The following SV2C variants were observed in gnomAD, a reference collection of about 807,000 sequenced individuals.
SV2C encodes solute carrier family 22 member B3.
In SV2C, 49 loss-of-function variants were observed where a neutral mutation model predicts 79.7. That is an observed-to-expected ratio of 0.61 (90% CI 0.49 to 0.78). The LOEUF (loss-of-function observed/expected upper bound fraction) is 0.78, where lower values mean the gene tolerates loss of function less well. Ranked by LOEUF, SV2C falls within the 30% of genes least tolerant of loss-of-function variation. The pLI, the probability that SV2C is intolerant of heterozygous loss-of-function variation, is 0.00. For synonymous variants in SV2C, 334 were observed against 333.2 expected (o/e 1.00, Z -0.03); for missense variants, 833 against 912.9 (o/e 0.91, Z 1.13).
At chr5:75,897,910 A>G in the SV2C span, among the ~76,000 whole-genome samples, 1 of 151,912 alleles carries the variant, frequency 6.6e-6, no homozygotes, top group East Asian at 1.9e-4. Flanking sequence ...ATTTTTGTAC[A>G]TTGATTTTGT....
intron 2 of SV2C, among the ~76,000 whole-genome samples, chr5:76,174,752 A>G (rs1561249806): frequency 6.6e-6 from 1 of 152,268 alleles, no homozygotes; most frequent in African/African-American, 2.4e-5. Context: ...AAACCTGCAC[A>G]TTCTTTGTTA....
intron 4 of SV2C, among the ~76,000 whole-genome samples, chr5:76,258,622 A>C (rs1746369770): frequency 6.6e-6 from 1 of 152,194 alleles, no homozygotes; most frequent in Non-Finnish European, 1.5e-5. Context: ...GAGCTTTGGT[A>C]TTTTGTGGAA....
chr5:76,052,330 G>A, the SV2C span, among the ~76,000 whole-genome samples: 44 of 152,140 alleles, frequency 2.9e-4, no homozygotes, highest in Non-Finnish European at 5.9e-4. Flanking sequence ...GAGATTGCAG[G>A]CATAAGGTAA....
At chr5:76,018,583 T>G in the SV2C span, among the ~76,000 whole-genome samples, 25 of 152,182 alleles carry the variant, frequency 1.6e-4, no homozygotes, top group Non-Finnish European at 2.8e-4. Flanking sequence ...TTACAACATA[T>G]AAATTATAGA....
At chr5:76,041,110 C>A in the SV2C span, among the ~76,000 whole-genome samples, 1 of 152,144 alleles carries the variant, frequency 6.6e-6, no homozygotes, top group Non-Finnish European at 1.5e-5. Context: ...GATTCACTGG[C>A]CCATTCTTGT....
the SV2C span, among the ~76,000 whole-genome samples, chr5:76,043,988 G>T: frequency 6.6e-6 from 1 of 152,002 alleles, no homozygotes; most frequent in Non-Finnish European, 1.5e-5. Context: ...ATGTTTGTTT[G>T]CTGCACCTAT....
At chr5:76,153,788 G>GA (rs1742638455) in intron 2 of SV2C, among the ~76,000 whole-genome samples, 1 of 152,174 alleles carries the variant, frequency 6.6e-6, no homozygotes, top group African/African-American at 2.4e-5. Context: ...GGTTGTGCAG[G>GA]AAAGAAAGAA....
chr5:75,946,816 T>C, the SV2C span, among the ~76,000 whole-genome samples: 1 of 152,140 alleles, frequency 6.6e-6, no homozygotes, highest in Non-Finnish European at 1.5e-5. Context: ...TCAAAAGTAC[T>C]GTTCTATCAT....
Position 76,241,205 on chromosome 5 carries a change from G to A in SV2C, c.913+31318G>A, listed in dbSNP as rs565462682. Among the ~76,000 whole-genome samples the A allele has an allele frequency of 7.6e-4, 100 of 131,080 alleles. 1 individual carries two copies. The highest frequency in any genetic ancestry group is 2.8e-3 in the African/African-American group (93 of 32,890). The allele number at this position is 131,080 out of a possible 152,430, so 86.0% of individuals were successfully genotyped here. A position where few individuals can be genotyped will look rare whatever the true frequency, so the allele number is the denominator to read the frequency against. ...CTCTTTTTTTTTTTTTTTTTCCCAA[G>A]CCAAACTGTATCCAGCTTTATTAAA... On this transcript the variant is annotated intron_variant, in intron 4 of 12. Coordinates refer to ENST00000502798, the MANE Select transcript of SV2C (RefSeq NM_014979.4).
chr5:75,939,156 T>G, the SV2C span, among the ~76,000 whole-genome samples: 1 of 152,076 alleles, frequency 6.6e-6, no homozygotes, highest in East Asian at 1.9e-4. Flanking sequence ...AGCCTCCTGG[T>G]TTTTCAGCTT....
the SV2C span, among the ~76,000 whole-genome samples, chr5:76,039,194 G>C: frequency 2.6e-4 from 39 of 152,114 alleles, no homozygotes; most frequent in Admixed American, 6.6e-4. Context: ...TTTATTTCCT[G>C]ATCAGCCTTC....
At chr5:76,087,331 A>G (rs1747232172) in intron 1 of SV2C, among the ~76,000 whole-genome samples, 1 of 152,238 alleles carries the variant, frequency 6.6e-6, no homozygotes, top group Non-Finnish European at 1.5e-5. Flanking sequence ...TTTCCCATAG[A>G]TAGTATATAA....
chr5:75,879,181 G>A, the SV2C span, among the ~76,000 whole-genome samples: 1 of 152,160 alleles, frequency 6.6e-6, no homozygotes, highest in Non-Finnish European at 1.5e-5. Flanking sequence ...GAGATTTGGA[G>A]TGGACAAATA....
At chr5:75,969,934 C>A in the SV2C span, among the ~76,000 whole-genome samples, 5 of 152,064 alleles carry the variant, frequency 3.3e-5, no homozygotes, top group Non-Finnish European at 7.3e-5. Flanking sequence ...TAAAGCACTC[C>A]TCAGCAAACG....
chr5:76,330,893 A>G lies in SV2C; in HGVS notation c.*5346A>G, dbSNP rs1315502046. The G allele has an allele frequency of 1.4e-5, 2 of 144,460 alleles. No homozygotes were observed. The highest frequency in any genetic ancestry group is 2.6e-5 in the African/African-American group (1 of 38,272). The allele number at this position is 144,460 out of a possible 1,614,324, so 8.9% of individuals were successfully genotyped here. ...GGGGCGGGGGACGGAGTCTCGCTCT[A>G]TTACTTAGGCCGGAGTGCAGTGGTG... On this transcript the variant is annotated 3_prime_UTR_variant, in exon 13 of 13. Transcript: ENST00000502798.
chr5:76,340,496 G>A (rs946963312), intron 12 of SV2C, among the ~76,000 whole-genome samples: 5 of 152,172 alleles, frequency 3.3e-5, no homozygotes, highest in Non-Finnish European at 7.3e-5. Context: ...TGGGCACAGT[G>A]GGCAGCAGGA....
intron 2 of SV2C, among the ~76,000 whole-genome samples, chr5:76,169,531 G>A (rs1743149840): frequency 6.6e-6 from 1 of 152,204 alleles, no homozygotes; most frequent in African/African-American, 2.4e-5. Flanking sequence ...GATCAAAGAA[G>A]ATAGCATAAA....
chr5:76,174,796 G>T (rs1161529396), intron 2 of SV2C, among the ~76,000 whole-genome samples: 1 of 152,238 alleles, frequency 6.6e-6, no homozygotes, highest in Non-Finnish European at 1.5e-5. Flanking sequence ...TGTGGACATG[G>T]TCTCCTATCC....
chr5:75,858,174 T>C, the SV2C span, among the ~76,000 whole-genome samples: 2 of 152,324 alleles, frequency 1.3e-5, no homozygotes, highest in East Asian at 3.9e-4. Context: ...GGCATCCTTG[T>C]CTTATTCCAG....
Sources: allele counts gnomAD v4.1 joint callset (sites outside exome capture counted in the v4.1 genomes callset), GRCh38; gene constraint gnomAD v4.1.1; transcripts MANE v1.5; gene names NCBI Gene and HGNC (gene_info 2026-07-23, HGNC 2026-07-21).